Variants in PSTPIP2 observed in about 807,000 individuals in gnomAD.
The protein encoded by PSTPIP2 is proline-serine-threonine phosphatase interacting protein 2.
A neutral mutation model predicts 63.3 loss-of-function variants in PSTPIP2; 33 were observed. The observed-to-expected ratio is 0.52, with a 90% CI of 0.40 to 0.70. PSTPIP2 has a LOEUF of 0.70. Among genes scored for constraint, PSTPIP2 ranks in the 30% least tolerant of loss-of-function variants. The pLI is 0.00. For missense variants in PSTPIP2, 312 were observed against 400.7 expected (o/e 0.78, Z 1.89); for synonymous variants, 125 against 132.7 (o/e 0.94, Z 0.40).
At chr18:46,055,724 C>CCTT (rs2144126265) in intron 1 of PSTPIP2, among the ~76,000 whole-genome samples, 1 of 152,304 alleles carries the variant, frequency 6.6e-6, no homozygotes, top group South Asian at 2.1e-4. Context: ...ATTTCCTGCA[C>CCTT]CTTCCCCCAG....
Position 46,039,986 on chromosome 18 carries a change from C to G in PSTPIP2, c.95G>C (p.Arg32Pro), listed in dbSNP as rs923145565. 1.2e-6 allele frequency: 2 copies of G among 1,613,430 alleles called. No homozygotes were observed. Among genetic ancestry groups the G allele is most frequent in the African/African-American group, 2.7e-5 (2 of 74,876 alleles). The change falls in exon 2 of 15, where the codon CGC becomes CCC. Residue 32 changes from arginine (R) to proline (P), a missense_variant. Coordinates refer to ENST00000409746, the MANE Select transcript of PSTPIP2 (RefSeq NM_024430.4). ...DNIIQHLNNG[R>P]KNCKEFEDFL... ...GTCTTCAAACTCTTTGCAGTTCTTG[C>G]GGCCATTGTTCAGATGTTGGATAAT...
intron 2 of PSTPIP2, among the ~76,000 whole-genome samples, chr18:46,031,649 T>C (rs1311905364): frequency 6.6e-6 from 1 of 152,224 alleles, no homozygotes; most frequent in African/African-American, 2.4e-5. Context: ...GTTCAGTCCA[T>C]TTTCATTTTT....
chr18:46,058,249 G>A (rs1343819166), intron 1 of PSTPIP2, among the ~76,000 whole-genome samples: 1 of 152,042 alleles, frequency 6.6e-6, no homozygotes, highest in Non-Finnish European at 1.5e-5. Flanking sequence ...TACCCCTGGA[G>A]GTTGGGATTT....
rs1448067579 is a variant in PSTPIP2 at position 46,011,261 on chromosome 18, T to G, written c.274A>C (p.Ile92Leu). The change falls in exon 5 of 15, where the codon ATT (isoleucine) becomes CTT (leucine). Residue 92 changes from isoleucine (I) to leucine (L), a missense_variant. Coordinates refer to ENST00000409746, the MANE Select transcript of PSTPIP2 (RefSeq NM_024430.4). ...TCTCTTAAACTCTGTGCAAGCTGAA[T>G]GTGACATTGTGCCACATTGTCTACT... is the stretch of plus-strand genomic sequence containing the variant. ...QQVDNVAQCH[I>L]QLAQSLREEA... 3 of 1,613,990 alleles carry G rather than the reference T, an allele frequency of 1.9e-6. No individual in the cohort carries two copies. Among genetic ancestry groups the G allele is most frequent in the Non-Finnish European group, 2.5e-6 (3 of 1,179,946 alleles).
At chr18:46,024,466 A>G in intron 3 of PSTPIP2, 143 bp downstream of exon 3, 1 of 707,614 alleles carries the variant, frequency 1.4e-6, no homozygotes, top group Non-Finnish European at 2.5e-6. Flanking sequence ...CCCAGCCTGG[A>G]CAAAATAGTG....
At chr18:46,061,243 G>A (rs1274047731) in intron 1 of PSTPIP2, among the ~76,000 whole-genome samples, 1 of 151,318 alleles carries the variant, frequency 6.6e-6, no homozygotes, top group East Asian at 1.9e-4. Flanking sequence ...GGCGGAGGTT[G>A]CACTGAGCCA....
intron 3 of PSTPIP2, among the ~76,000 whole-genome samples, chr18:46,021,158 C>T (rs942928672): frequency 5.9e-5 from 9 of 152,024 alleles, no homozygotes; most frequent in South Asian, 4.1e-4. Context: ...GACCCTTGGA[C>T]GTGCAAATGT....
At chr18:46,006,431 G>A (rs2051728589) in intron 5 of PSTPIP2, among the ~76,000 whole-genome samples, 1 of 145,028 alleles carries the variant, frequency 6.9e-6, no homozygotes, top group Admixed American at 7.2e-5. Flanking sequence ...GAGTGCAGTG[G>A]TGCAATCTCA....
chr18:45,990,693 A>C (rs764640931), intron 13 of PSTPIP2, 29 bp downstream of exon 13: 1 of 1,578,712 alleles, frequency 6.3e-7, no homozygotes, highest in Non-Finnish European at 8.7e-7. Flanking sequence ...CAATATAAGA[A>C]TTTCAAAAGA....
At position 45,985,469 on chromosome 18, in the gene PSTPIP2, G is replaced by T. The variant is rs1276416686; in HGVS notation, c.*9-19C>A. ...CTGGTTTCTGAAAGAAAATAACAAA[G>T]AAATTTCCTCTGAATGAAAGGTGCT... On this transcript the variant is annotated intron_variant, in intron 14 of 14. Coordinates refer to ENST00000409746, the MANE Select transcript of PSTPIP2 (RefSeq NM_024430.4). The T allele has an allele frequency of 6.2e-7, 1 of 1,612,128 alleles. No homozygotes were observed. Among genetic ancestry groups the T allele is most frequent in the South Asian group, 1.1e-5 (1 of 90,998 alleles).
chr18:46,054,334 T>C (rs947054859), intron 1 of PSTPIP2, among the ~76,000 whole-genome samples: 2 of 152,136 alleles, frequency 1.3e-5, no homozygotes, highest in Admixed American at 1.3e-4. Context: ...AGATCATTGG[T>C]TGCCAGGGGT....
intron 2 of PSTPIP2, among the ~76,000 whole-genome samples, chr18:46,031,581 A>G (rs1418877422): frequency 1.3e-5 from 2 of 152,230 alleles, no homozygotes; most frequent in African/African-American, 4.8e-5. Flanking sequence ...CACTGTATCT[A>G]TATAAAAATG....
chr18:46,062,529 CTTT>C (rs1027613015), intron 1 of PSTPIP2, among the ~76,000 whole-genome samples: 1 of 146,370 alleles, frequency 6.8e-6, no homozygotes, highest in Non-Finnish European at 1.5e-5. Context: ...CAGTAAACCA[CTTT>C]TTTTTTTTTG....
At chr18:46,002,015 T>A (rs1309688073) in intron 6 of PSTPIP2, among the ~76,000 whole-genome samples, 1 of 152,244 alleles carries the variant, frequency 6.6e-6, no homozygotes, top group African/African-American at 2.4e-5. Context: ...TATGGGGTTA[T>A]GTGTTAACAG....
chr18:46,061,120 A>G (rs1016129700), intron 1 of PSTPIP2, among the ~76,000 whole-genome samples: 1 of 152,126 alleles, frequency 6.6e-6, no homozygotes, highest in Admixed American at 6.6e-5. Context: ...CCTGGCCAAC[A>G]TGGTGAAATC....
In PSTPIP2 at chr18:46,064,282, C is replaced by CTTTTTTTTTTTTT. The variant is rs56236802; in HGVS notation, c.33+7861_33+7873dup. On this transcript the variant is annotated intron_variant, in intron 1 of 14. Transcript: ENST00000409746. ...CTTTTTTTCTTCTTTCTTTTTCTTT[C>CTTTTTTTTTTTTT]TTTTTTTTTTTTTTTTTTTTTTTTT... Among the ~76,000 whole-genome samples the CTTTTTTTTTTTTT allele has an allele frequency of 3.6e-4, 26 of 71,542 alleles. 1 individual carries two copies. Among genetic ancestry groups the CTTTTTTTTTTTTT allele is most frequent in the African/African-American group, 7.1e-4 (11 of 15,426 alleles). The allele number at this position is 71,542 out of a possible 152,430, so 46.9% of individuals were successfully genotyped here.
rs949182128 is a variant in PSTPIP2 at position 45,988,696 on chromosome 18, T to C, written c.*8+6A>G. 2.0e-6 allele frequency: 3 copies of C among 1,536,828 alleles called. No individual in the cohort carries two copies. The highest frequency in any genetic ancestry group is 2.7e-6 in the Non-Finnish European group (3 of 1,109,916). On this transcript the variant is annotated splice_donor_region_variant and intron_variant, in intron 14 of 14. Transcript: ENST00000409746. ...ACTCAATTATGTGAAAAATAAAGGT[T>C]CTTACCATTGATTTTACTGATAGAG... is the stretch of plus-strand genomic sequence containing the variant.
intron 1 of PSTPIP2, among the ~76,000 whole-genome samples, chr18:46,043,800 G>T (rs1908280456): frequency 1.3e-5 from 2 of 152,132 alleles, no homozygotes. Flanking sequence ...TAACAAAGTT[G>T]CAGGACACAA....
At chr18:45,985,588 A>C (rs1022248766) in intron 14 of PSTPIP2, 138 bp from the exon 15 acceptor site, 1 of 739,678 alleles carries the variant, frequency 1.4e-6, no homozygotes, top group African/African-American at 1.8e-5. Flanking sequence ...ATTCCAAGCA[A>C]TGAGAAATGG....
Sources: gnomAD v4.1 joint callset for allele counts (sites outside exome capture counted in the v4.1 genomes callset) on GRCh38, gnomAD v4.1.1 for gene constraint, MANE v1.5 for transcripts, NCBI Gene and HGNC (gene_info 2026-07-23, HGNC 2026-07-21) for gene names.